DHX9: variants seen among roughly 807,000 people sequenced by gnomAD.
DHX9 encodes ATP-dependent RNA helicase A.
DHX9 carries 27 observed loss-of-function variants against 148.7 expected under a neutral mutation model. The ratio of observed to expected loss-of-function variants is 0.18; its 90% CI spans 0.13 to 0.25. The LOEUF (loss-of-function observed/expected upper bound fraction) is 0.25, where lower values mean the gene tolerates loss of function less well. DHX9 is among the 10% of genes least tolerant of loss of function. The pLI is 1.00. For missense variants in DHX9, 796 were observed against 1,559.6 expected (o/e 0.51, Z 8.25); for synonymous variants, 529 against 516.6 (o/e 1.02, Z -0.33).
chr1:182,854,248 ATC>A, intron 6 of DHX9, 70 bp downstream of exon 6: 2 of 1,390,958 alleles, frequency 1.4e-6, no homozygotes, highest in South Asian at 3.1e-5. Flanking sequence ...GTTGAATATA[ATC>A]TATTTTTGTA....
At chr1:182,840,674 A>T (rs1667908905) in intron 1 of DHX9, among the ~76,000 whole-genome samples, 1 of 152,224 alleles carries the variant, frequency 6.6e-6, no homozygotes, top group Non-Finnish European at 1.5e-5. Flanking sequence ...CCTTCTCTAA[A>T]GGGATAGTGA....
intron 3 of DHX9, among the ~76,000 whole-genome samples, chr1:182,851,801 T>A (rs1668155566): frequency 6.6e-6 from 1 of 152,196 alleles, no homozygotes; most frequent in African/African-American, 2.4e-5. Context: ...GTGATCATCT[T>A]AATAAAGGCT....
At chr1:182,848,176 A>G (rs1668066527) in intron 3 of DHX9, among the ~76,000 whole-genome samples, 1 of 152,236 alleles carries the variant, frequency 6.6e-6, no homozygotes. Context: ...TGTCACCCTC[A>G]GGTTACTTCC....
intron 3 of DHX9, among the ~76,000 whole-genome samples, chr1:182,844,314 C>G (rs990656603): frequency 1.3e-5 from 2 of 152,200 alleles, no homozygotes; most frequent in African/African-American, 4.8e-5. Context: ...TTTTTTATGT[C>G]ATGATTATCT....
intron 2 of DHX9, among the ~76,000 whole-genome samples, chr1:182,843,077 G>A (rs933112571): frequency 4.6e-5 from 7 of 151,088 alleles, no homozygotes; most frequent in African/African-American, 2.4e-5. Flanking sequence ...TGTTATATGA[G>A]AAAAAAAAAT....
chr1:182,858,329 A>G, intron 8 of DHX9, 89 bp downstream of exon 8: 5 of 1,458,682 alleles, frequency 3.4e-6, no homozygotes, highest in South Asian at 1.3e-5. Context: ...TTTAATTTTA[A>G]GAATCTTACC....
At chr1:182,868,750 C>T (rs2102609381) in intron 14 of DHX9, among the ~76,000 whole-genome samples, 1 of 152,204 alleles carries the variant, frequency 6.6e-6, no homozygotes, top group Non-Finnish European at 1.5e-5. Flanking sequence ...CTCCTAACTT[C>T]AGGTGATCCA....
At chr1:182,872,528 G>C (rs1648591433) in intron 15 of DHX9, 35 bp downstream of exon 15, 1 of 1,582,226 alleles carries the variant, frequency 6.3e-7, no homozygotes. Context: ...AACATCTTTT[G>C]TGCAATAGGG....
At chr1:182,884,143 G>A (rs1398869321) in intron 26 of DHX9, among the ~76,000 whole-genome samples, 6 of 152,016 alleles carry the variant, frequency 3.9e-5, no homozygotes, top group Admixed American at 6.6e-5. Context: ...GTGTGGTAGC[G>A]CACACCTGTA....
rs754881072 is a variant in DHX9, at chr1:182,876,537, C to T, written c.2120C>T (p.Thr707Ile). 1 of 1,609,726 alleles carries T rather than the reference C, an allele frequency of 6.2e-7. No individual in the cohort carries two copies. The highest frequency in any genetic ancestry group is 1.3e-5 in the African/African-American group (1 of 74,730). ...TTTGATCCAGTACCAGTTGGAGTAA[C>T]CAAGGTAAATATTAAACATTAGAGT... ...KVFDPVPVGV[T>I]KVILSTNIAE... The change falls in exon 18 of 28, where the codon ACC becomes ATC. Residue 707 changes from threonine (T) to isoleucine (I), a missense_variant. Physicochemically the swap from Thr to Ile is moderately conservative, Grantham distance 89. Transcript: ENST00000367549.
intron 12 of DHX9, among the ~76,000 whole-genome samples, chr1:182,861,269 A>G (rs1171610856): frequency 6.6e-6 from 1 of 152,174 alleles, no homozygotes; most frequent in Non-Finnish European, 1.5e-5. Context: ...AAAATATGAT[A>G]AATTGACATT....
intron 10 of DHX9, 59 bp downstream of exon 10, chr1:182,858,953 T>C (rs1299421984): frequency 7.5e-6 from 12 of 1,610,216 alleles, no homozygotes; most frequent in Non-Finnish European, 1.0e-5. Flanking sequence ...AGACTATATT[T>C]GATTAGTATG....
chr1:182,883,690 G>T, intron 26 of DHX9, 55 bp downstream of exon 26: 1 of 1,258,944 alleles, frequency 7.9e-7, no homozygotes, highest in Non-Finnish European at 1.2e-6. Context: ...ACAATATGAT[G>T]GAATTCAGCT....
At chr1:182,845,836 A>G (rs1447104489) in intron 3 of DHX9, among the ~76,000 whole-genome samples, 1 of 152,206 alleles carries the variant, frequency 6.6e-6, no homozygotes, top group Non-Finnish European at 1.5e-5. Flanking sequence ...CAGTTGGTGA[A>G]ATAAGTAGGG....
intron 12 of DHX9, 62 bp downstream of exon 12, chr1:182,860,246 TTAAC>T (rs1668335938): frequency 7.6e-7 from 1 of 1,309,294 alleles, no homozygotes; most frequent in Non-Finnish European, 1.0e-6. Context: ...CTTTCTTTGA[TTAAC>T]TAATTTTTGT....
intron 3 of DHX9, among the ~76,000 whole-genome samples, chr1:182,845,467 C>G (rs1342499711): frequency 6.6e-6 from 1 of 151,542 alleles, no homozygotes; most frequent in African/African-American, 2.4e-5. Flanking sequence ...TCTCATACCA[C>G]AACAATCAAC....
chr1:182,855,003 G>A lies in DHX9; in HGVS notation c.626+825G>A, dbSNP rs574735716. On this transcript the variant is annotated intron_variant, in intron 6 of 27. Transcript: ENST00000367549. Reference sequence around the variant, plus strand: ...CAAATACATTAAAAATATTTTTCTCGAAAATCAAAGTGTTCTCCATTGGAT... The same window carrying A: ...CAAATACATTAAAAATATTTTTCTCAAAAATCAAAGTGTTCTCCATTGGAT... Among the ~76,000 whole-genome samples, 9 of 152,136 alleles carry A rather than the reference G, an allele frequency of 5.9e-5. No individual in the cohort carries two copies. In the South Asian group the frequency reaches 6.2e-4, roughly 11 times the overall value.
chr1:182,840,365 T>TG (rs1243853269), intron 1 of DHX9, among the ~76,000 whole-genome samples: 6 of 146,340 alleles, frequency 4.1e-5, no homozygotes, highest in African/African-American at 1.6e-4. Flanking sequence ...AGTGGCGCGA[T>TG]GGCGGCTCAC....
rs1001125225 is a variant in DHX9, at chr1:182,866,711, T to C, written c.1474+126T>C. The C allele has an allele frequency of 4.9e-5, 60 of 1,226,916 alleles. No individual in the cohort carries two copies. In the African/African-American group the frequency reaches 7.9e-4, roughly 16 times the overall value. 76.0% of individuals were successfully genotyped at this position (1,226,916 alleles called of 1,614,324 possible). A position where few individuals can be genotyped will look rare whatever the true frequency, so the allele number is the denominator to read the frequency against. On this transcript the variant is annotated intron_variant, in intron 13 of 27. Coordinates refer to ENST00000367549, the MANE Select transcript of DHX9 (RefSeq NM_001357.5). ...CTCAGATTTCTTGTTTAAATAAAAC[T>C]TTTGGCAGTTTTTTCCTTCATGGAA...
Sources: allele counts gnomAD v4.1 joint callset (sites outside exome capture counted in the v4.1 genomes callset), GRCh38; gene constraint gnomAD v4.1.1; transcripts MANE v1.5; gene names NCBI Gene and HGNC (gene_info 2026-07-23, HGNC 2026-07-21).